Variants in GRIA4 observed in about 807,000 individuals in gnomAD.
The protein encoded by GRIA4 is glutamate receptor 4.
Under a neutral mutation model 104.0 loss-of-function variants are expected in GRIA4, and 34 were observed. The observed-to-expected ratio is 0.33, with a 90% CI of 0.25 to 0.44. The LOEUF (loss-of-function observed/expected upper bound fraction) is 0.44, where lower values mean the gene tolerates loss of function less well. Ranked by LOEUF, GRIA4 falls within the 20% of genes least tolerant of loss-of-function variation. The pLI is 1.00. For missense variants in GRIA4, 750 were observed against 1,096.5 expected (o/e 0.68, Z 4.46); for synonymous variants, 386 against 381.9 (o/e 1.01, Z -0.13).
chr11:105,703,246 C>G (rs1953569357), intron 3 of GRIA4, among the ~76,000 whole-genome samples: 1 of 152,138 alleles, frequency 6.6e-6, no homozygotes, highest in Non-Finnish European at 1.5e-5. Flanking sequence ...CATTCCTTAT[C>G]ATTTTATTCC....
At chr11:105,830,112 T>C (rs1943920655) in intron 4 of GRIA4, among the ~76,000 whole-genome samples, 1 of 152,008 alleles carries the variant, frequency 6.6e-6, no homozygotes, top group East Asian at 1.9e-4. Flanking sequence ...ACATCAAAGA[T>C]CTTCCAGTGC....
At chr11:105,769,270 A>G (rs1253223321) in intron 4 of GRIA4, among the ~76,000 whole-genome samples, 1 of 152,122 alleles carries the variant, frequency 6.6e-6, no homozygotes, top group Non-Finnish European at 1.5e-5. Context: ...ATTGAGGCAC[A>G]TGCAAGACTG....
chr11:105,957,307 C>A (rs1395999287), intron 14 of GRIA4, among the ~76,000 whole-genome samples: 1 of 152,118 alleles, frequency 6.6e-6, no homozygotes, highest in African/African-American at 2.4e-5. Context: ...AGGAAGGGAT[C>A]CAGTTTCAGC....
At chr11:105,633,907 C>T (rs1321651152) in intron 3 of GRIA4, among the ~76,000 whole-genome samples, 1 of 152,132 alleles carries the variant, frequency 6.6e-6, no homozygotes, top group African/African-American at 2.4e-5. Flanking sequence ...TAACCTGGTG[C>T]TTAGTGCACT....
intron 14 of GRIA4, among the ~76,000 whole-genome samples, chr11:105,935,576 AT>A (rs1478171231): frequency 6.6e-6 from 1 of 152,060 alleles, no homozygotes; most frequent in African/African-American, 2.4e-5. Context: ...AGCGTAAATA[AT>A]TTTTTAAAAA....
chr11:105,944,588 A>C (rs918773658), intron 14 of GRIA4, among the ~76,000 whole-genome samples: 2 of 152,186 alleles, frequency 1.3e-5, no homozygotes, highest in Non-Finnish European at 2.9e-5. Context: ...TAAATGGAAA[A>C]AAAAAAGGAA....
intron 4 of GRIA4, among the ~76,000 whole-genome samples, chr11:105,756,654 G>GC (rs940763397): frequency 9.4e-5 from 14 of 149,130 alleles, no homozygotes; most frequent in African/African-American, 2.0e-4. Flanking sequence ...CCTAACCAAC[G>GC]CCCCCCACCC....
intron 3 of GRIA4, among the ~76,000 whole-genome samples, chr11:105,646,130 A>G (rs1951520388): frequency 1.3e-5 from 2 of 152,252 alleles, no homozygotes. Flanking sequence ...GTGCTTACTT[A>G]GATGTGAAAG....
At chr11:105,959,590 A>C (rs543569950) in intron 14 of GRIA4, among the ~76,000 whole-genome samples, 1 of 152,302 alleles carries the variant, frequency 6.6e-6, no homozygotes, top group Admixed American at 6.5e-5. Flanking sequence ...TATCTTCTGA[A>C]GACTCCTTCC....
rs1157691745 is a variant in GRIA4 at position 105,612,306 on chromosome 11, A to C, written c.119A>C (p.Glu40Ala). ...GGLFIRNTDQ[E>A]YTAFRLAIFL... Reference sequence around the variant, plus strand: ...CTCTTCATCCGAAACACAGATCAGGAATACACTGCTTTTCGATTAGCAATT... The same window carrying C: ...CTCTTCATCCGAAACACAGATCAGGCATACACTGCTTTTCGATTAGCAATT... Residue 40 changes from glutamate to alanine, a missense_variant, in exon 3 of 17, where the codon GAA (glutamate) becomes GCA (alanine). Coordinates refer to ENST00000282499, the MANE Select transcript of GRIA4 (RefSeq NM_000829.4). The C allele has an allele frequency of 6.2e-7, 1 of 1,614,174 alleles. No homozygotes were observed.
Position 105,674,242 on chromosome 11 carries a change from C to T in GRIA4, c.247+61808C>T, listed in dbSNP as rs1952465310. Reference sequence around the variant, plus strand: ...TCATTTTGGTAGCCTGGTGTTTTAACATTTTACCATGCAAGTAAATCAATT... The same window carrying T: ...TCATTTTGGTAGCCTGGTGTTTTAATATTTTACCATGCAAGTAAATCAATT... On this transcript the variant is annotated intron_variant, in intron 3 of 16. Transcript: ENST00000282499. Among the ~76,000 whole-genome samples the T allele has an allele frequency of 2.0e-5, 3 of 152,008 alleles. No individual in the cohort carries two copies. In the East Asian group the frequency reaches 5.8e-4, roughly 29 times the overall value.
At chr11:105,888,271 CTTTTTTTTTTTTTT>C (rs71469040) in intron 6 of GRIA4, among the ~76,000 whole-genome samples, 15 of 54,574 alleles carry the variant, frequency 2.7e-4, no homozygotes, top group African/African-American at 4.8e-4. Context: ...ATGTTTTCTC[CTTTTTTTTTTTTTT>C]TTTTTTTTTT....
At chr11:105,974,247 TG>T in intron 15 of GRIA4, 62 bp from the exon 16 acceptor site, 3 of 1,513,190 alleles carry the variant, frequency 2.0e-6, no homozygotes, top group Non-Finnish European at 2.7e-6. Context: ...GGATTTCATG[TG>T]TTCTTTTACC....
intron 6 of GRIA4, among the ~76,000 whole-genome samples, chr11:105,891,843 G>C (rs1020539708): frequency 6.6e-6 from 1 of 152,090 alleles, no homozygotes; most frequent in Non-Finnish European, 1.5e-5. Flanking sequence ...GCTCACTGAA[G>C]GCAGGAACAA....
At chr11:105,723,807 G>T (rs1421901559) in intron 3 of GRIA4, among the ~76,000 whole-genome samples, 1 of 152,022 alleles carries the variant, frequency 6.6e-6, no homozygotes, top group Admixed American at 6.6e-5. Context: ...AATAAAACTT[G>T]ACCTCTGAAT....
At chr11:105,719,757 T>C (rs556148276) in intron 3 of GRIA4, among the ~76,000 whole-genome samples, 5 of 151,166 alleles carry the variant, frequency 3.3e-5, no homozygotes, top group South Asian at 2.1e-4. Flanking sequence ...TCAGGCTCTA[T>C]AGGGAAAGTC....
intron 3 of GRIA4, among the ~76,000 whole-genome samples, chr11:105,694,234 C>T (rs1311328637): frequency 2.6e-5 from 4 of 151,660 alleles, no homozygotes; most frequent in Non-Finnish European, 5.9e-5. Flanking sequence ...ACTGCAACCT[C>T]TGCCTCCAGG....
At chr11:105,844,283 T>C (rs889277092) in intron 4 of GRIA4, among the ~76,000 whole-genome samples, 1 of 152,228 alleles carries the variant, frequency 6.6e-6, no homozygotes, top group African/African-American at 2.4e-5. Context: ...TCAGACATAC[T>C]TGAAAAGATT....
At chr11:105,895,821 A>G (rs1245437692) in intron 6 of GRIA4, among the ~76,000 whole-genome samples, 1 of 151,804 alleles carries the variant, frequency 6.6e-6, no homozygotes, top group Non-Finnish European at 1.5e-5. Flanking sequence ...TTGGACTACC[A>G]TTTCTCGGGG....
Sources: allele counts gnomAD v4.1 joint callset (sites outside exome capture counted in the v4.1 genomes callset), GRCh38; gene constraint gnomAD v4.1.1; transcripts MANE v1.5; gene names NCBI Gene and HGNC (gene_info 2026-07-23, HGNC 2026-07-21).